Variants in LRP1B observed in about 807,000 individuals in gnomAD.
LRP1B encodes the protein LDL receptor related protein 1B.
A neutral mutation model predicts 556.6 loss-of-function variants in LRP1B; 217 were observed. The ratio of observed to expected loss-of-function variants is 0.39; its 90% CI spans 0.35 to 0.44. The LOEUF is 0.44. Among genes scored for constraint, LRP1B ranks in the 20% least tolerant of loss-of-function variants. The pLI is 1.00. For missense variants in LRP1B, 5,053 were observed against 5,620.8 expected, an observed-to-expected ratio of 0.90 and a Z score of 3.23; for synonymous variants, 2,047 against 1,865.8, an observed-to-expected ratio of 1.10 and a Z score of -2.50.
At chr2:141,298,218 T>C (rs1266166072) in intron 3 of LRP1B, among the ~76,000 whole-genome samples, 1 of 152,182 alleles carries the variant, frequency 6.6e-6, no homozygotes, top group Non-Finnish European at 1.5e-5. Flanking sequence ...AGAAAGTGTT[T>C]GGAGGTGTGT....
At chr2:140,848,883 C>T (rs1692353700) in intron 29 of LRP1B, among the ~76,000 whole-genome samples, 1 of 152,070 alleles carries the variant, frequency 6.6e-6, no homozygotes, top group Admixed American at 6.6e-5. Context: ...TGTCTCACTT[C>T]ATATATGTTC....
chr2:140,838,306 G>T (rs1691984412), intron 31 of LRP1B, among the ~76,000 whole-genome samples: 2 of 151,970 alleles, frequency 1.3e-5, no homozygotes, highest in Non-Finnish European at 1.5e-5. Flanking sequence ...CCTTTGTATG[G>T]GTCCTAATCT....
intron 1 of LRP1B, among the ~76,000 whole-genome samples, chr2:141,957,470 C>T (rs1558986062): frequency 6.6e-6 from 1 of 151,020 alleles, no homozygotes; most frequent in Non-Finnish European, 1.5e-5. Context: ...GATTCAAATA[C>T]TTGTCTTGCC....
rs576976143 is a variant in LRP1B at position 140,559,798 on chromosome 2, G to C, written c.7195-17827C>G. On this transcript the variant is annotated intron_variant, in intron 43 of 90. Transcript: ENST00000389484. The stretch of plus-strand genomic sequence containing the variant: ...CAAGTTAACAAATAAACAAGGGAAA[G>C]TTCTTCCTTAGAGGAGATTTCTGGT... 1.0e-4 allele frequency among the ~76,000 whole-genome samples: 15 copies of C among 148,150 alleles called. No individual in the cohort carries two copies. In the Middle Eastern group the frequency reaches 0.011, roughly 104 times the overall value.
chr2:142,092,669 A>G (rs1439142697), intron 1 of LRP1B, among the ~76,000 whole-genome samples: 1 of 151,626 alleles, frequency 6.6e-6, no homozygotes, highest in African/African-American at 2.4e-5. Flanking sequence ...TGGGACTCTT[A>G]CTACATATTA....
chr2:140,747,130 A>G (rs1688343576), intron 35 of LRP1B, among the ~76,000 whole-genome samples: 1 of 152,154 alleles, frequency 6.6e-6, no homozygotes, highest in Admixed American at 6.5e-5. Context: ...AGTGAGTTGC[A>G]AAAAGCATCA....
intron 41 of LRP1B, among the ~76,000 whole-genome samples, chr2:140,612,257 A>G (rs544510): frequency 0.5 from 76,570 of 151,892 alleles, 19,814 homozygotes; most frequent in African/African-American, 0.62. Context: ...ATTTTTAAAT[A>G]TGTTCATATC....
intron 84 of LRP1B, among the ~76,000 whole-genome samples, chr2:140,287,430 A>G (rs76373283): frequency 0.14 from 21,857 of 151,638 alleles, 2,044 homozygotes; most frequent in East Asian, 0.32. Context: ...GCCATTCATT[A>G]TGTCGTCCTA....
chr2:141,220,518 C>T (rs1682991289), intron 6 of LRP1B, among the ~76,000 whole-genome samples: 1 of 151,906 alleles, frequency 6.6e-6, no homozygotes. Flanking sequence ...AGGAGAACTT[C>T]CCCAACCTAG....
intron 19 of LRP1B, 23 bp from the exon 20 acceptor site, chr2:140,950,425 G>A (rs17579114): frequency 0.021 from 33,479 of 1,569,220 alleles, 433 homozygotes; most frequent in Middle Eastern, 0.026. Context: ...ATCAACATGA[G>A]GCAGTGAAAT....
intron 1 of LRP1B, among the ~76,000 whole-genome samples, chr2:142,078,681 T>C (rs1233437743): frequency 6.6e-6 from 1 of 152,184 alleles, no homozygotes; most frequent in Non-Finnish European, 1.5e-5. Context: ...CTATTCCTAT[T>C]ACCCTTTAAA....
chr2:142,014,956 T>C (rs961080883), intron 1 of LRP1B, among the ~76,000 whole-genome samples: 4 of 152,124 alleles, frequency 2.6e-5, no homozygotes, highest in African/African-American at 9.6e-5. Flanking sequence ...AATTGAAAAC[T>C]AAATAAAAAT....
At chr2:140,353,133 C>T in intron 75 of LRP1B, 61 bp from the exon 76 acceptor site, 2 of 1,565,068 alleles carry the variant, frequency 1.3e-6, no homozygotes, top group Non-Finnish European at 1.7e-6. Context: ...CTATTCTTAC[C>T]ACGTTTCAAA....
At chr2:142,081,737 C>G (rs924841780) in intron 1 of LRP1B, among the ~76,000 whole-genome samples, 3 of 152,146 alleles carry the variant, frequency 2.0e-5, no homozygotes, top group African/African-American at 7.2e-5. Flanking sequence ...CTTCAGCATC[C>G]TGAGTAGGTA....
intron 1 of LRP1B, among the ~76,000 whole-genome samples, chr2:142,081,619 A>T (rs1024868788): frequency 2.6e-5 from 4 of 152,176 alleles, no homozygotes; most frequent in Non-Finnish European, 4.4e-5. Flanking sequence ...GTTAACAATA[A>T]CAGACTATGA....
chr2:140,851,202 T>C (rs760376712), intron 28 of LRP1B, among the ~76,000 whole-genome samples: 2 of 152,170 alleles, frequency 1.3e-5, no homozygotes, highest in Admixed American at 6.5e-5. Flanking sequence ...GTTATATATT[T>C]TATTTCACTT....
intron 5 of LRP1B, among the ~76,000 whole-genome samples, chr2:141,244,943 T>C (rs1684012489): frequency 6.6e-6 from 1 of 152,124 alleles, no homozygotes; most frequent in African/African-American, 2.4e-5. Flanking sequence ...TTATCAATTC[T>C]AGAGTCATCA....
chr2:140,269,062 C>T (rs1320586508), intron 86 of LRP1B, among the ~76,000 whole-genome samples: 1 of 151,860 alleles, frequency 6.6e-6, no homozygotes, highest in East Asian at 1.9e-4. Context: ...TTCATTTTCT[C>T]TGTTATATTT....
chr2:141,724,397 T>A (rs1692952718), intron 2 of LRP1B, among the ~76,000 whole-genome samples: 1 of 151,846 alleles, frequency 6.6e-6, no homozygotes, highest in Non-Finnish European at 1.5e-5. Flanking sequence ...GAATTGAATT[T>A]TTAAGTATGA....
Sources: allele counts gnomAD v4.1 joint callset (sites outside exome capture counted in the v4.1 genomes callset), GRCh38; gene constraint gnomAD v4.1.1; transcripts MANE v1.5; gene names NCBI Gene and HGNC (gene_info 2026-07-23, HGNC 2026-07-21).